The following DHRSX variants were observed in gnomAD, a reference collection of about 807,000 sequenced individuals.
DHRSX encodes the protein dehydrogenase/reductase X-linked.
Under a neutral mutation model 34.0 loss-of-function variants are expected in DHRSX, and 31 were observed. The ratio of observed to expected loss-of-function variants is 0.91; its 90% confidence interval spans 0.69 to 1.23. The LOEUF (loss-of-function observed/expected upper bound fraction) is 1.23. DHRSX is among the 50% of genes most tolerant of loss of function. The pLI is 0.00. For missense variants in DHRSX, 414 were observed against 428.1 expected (o/e 0.97, Z 0.29); for synonymous variants, 201 against 183.8 (o/e 1.09, Z -0.76).
At chrX:2,243,361 T>C (rs1716566893) in intron 5 of DHRSX, 131 bp from the exon 6 acceptor site, 3 of 711,822 alleles carry the variant, frequency 4.2e-6, no homozygotes, top group Non-Finnish European at 7.0e-6. Context: ...CCATGTGTGA[T>C]CATGCCATCT....
At chrX:2,254,946 G>GC (rs1019729155) in intron 5 of DHRSX, among the ~76,000 whole-genome samples, 2,947 of 104,622 alleles carry the variant, frequency 0.028, 71 homozygotes, top group South Asian at 0.067. Context: ...CCTGCCCCAC[G>GC]CCCCCCCCCT....
chrX:2,241,674 C>T (rs1376457041), intron 6 of DHRSX, among the ~76,000 whole-genome samples: 2 of 152,042 alleles, frequency 1.3e-5, no homozygotes, highest in Non-Finnish European at 2.9e-5. Flanking sequence ...TTTGGGAGCC[C>T]GAGGCGGGTG....
At chrX:2,335,128 T>C (rs1426528401) in intron 3 of DHRSX, among the ~76,000 whole-genome samples, 1 of 147,158 alleles carries the variant, frequency 6.8e-6, no homozygotes, top group East Asian at 2.0e-4. Context: ...GAGGTTGCAG[T>C]GAGCCGAGAT....
rs138715563 is a variant in DHRSX at position 2,437,915 on chromosome X, C to T, written c.110-12611G>A. On this transcript the variant is annotated intron_variant, in intron 1 of 6. Transcript: ENST00000334651. Reference sequence around the variant, plus strand: ...CAGAGTCCAATTCATGAAAACTCACCGGCAGAACAATATGTGGCAACCATT... The same window carrying T: ...CAGAGTCCAATTCATGAAAACTCACTGGCAGAACAATATGTGGCAACCATT... Among the ~76,000 whole-genome samples, 4 of 151,890 alleles carry T rather than the reference C, an allele frequency of 2.6e-5. No homozygotes were observed. The East Asian group carries it at 5.8e-4, about 22-fold the overall frequency.
At chrX:2,297,169 C>T (rs975320282) in intron 3 of DHRSX, among the ~76,000 whole-genome samples, 2 of 152,242 alleles carry the variant, frequency 1.3e-5, no homozygotes, top group Non-Finnish European at 2.9e-5. Context: ...GTCACCCAGG[C>T]TGGAGTGCAA....
At chrX:2,223,747 C>G (rs1279266690) in intron 6 of DHRSX, among the ~76,000 whole-genome samples, 1 of 151,950 alleles carries the variant, frequency 6.6e-6, no homozygotes, top group Non-Finnish European at 1.5e-5. Context: ...CTCTCTTTTG[C>G]GGCTGTGTTC....
rs181901056 is a variant in DHRSX, at chrX:2,320,589, C to T, written c.287-28986G>A. ...GGGATTGCAGGCATGAGCCACCGTG[C>T]CTGGCCCTGCAAGTCTGTTTTGATT... is the stretch of plus-strand genomic sequence containing the variant. On this transcript the variant is annotated intron_variant, in intron 3 of 6. Transcript: ENST00000334651. 7.2e-3 allele frequency among the ~76,000 whole-genome samples: 1,035 copies of T among 144,048 alleles called. 16 individuals are homozygous for T. Among genetic ancestry groups the T allele is most frequent in the African/African-American group, 0.025 (959 of 37,778 alleles). The allele number at this position is 144,048 out of a possible 152,430, so 94.5% of individuals were successfully genotyped here. A position where few individuals can be genotyped will look rare whatever the true frequency, so the allele number is the denominator to read the frequency against.
intron 1 of DHRSX, chrX:2,489,256 G>C: frequency 6.2e-7 from 1 of 1,613,954 alleles, no homozygotes; most frequent in Non-Finnish European, 8.5e-7. Context: ...GCTGCCGCTC[G>C]AAGGCGGAGA....
At chrX:2,231,894 CCTCTTT>C (rs997404546) in intron 6 of DHRSX, among the ~76,000 whole-genome samples, 3 of 149,976 alleles carry the variant, frequency 2.0e-5, no homozygotes, top group Non-Finnish European at 3.0e-5. Context: ...TCCTCCTCCT[CCTCTTT>C]CTCTTATCTT....
chrX:2,352,614 G>A (rs1432908604), intron 3 of DHRSX, among the ~76,000 whole-genome samples: 1 of 152,180 alleles, frequency 6.6e-6, no homozygotes, highest in African/African-American at 2.4e-5. Context: ...AGTGTCTGCA[G>A]GCGTAGCTGC....
At position 2,231,959 on chromosome X, in the gene DHRSX, C is replaced by T. The variant is rs576413554; in HGVS notation, c.805-10730G>A. Among the ~76,000 whole-genome samples the T allele has an allele frequency of 6.8e-5, 3 of 43,888 alleles. No individual in the cohort carries two copies. The East Asian group carries it at 6.5e-3, about 95-fold the overall frequency. 28.8% of individuals were successfully genotyped at this position (43,888 alleles called of 152,430 possible). The stretch of plus-strand genomic sequence containing the variant: ...TCCTCTTCTCTCCTCCTTCTCTTTT[C>T]TTTCTGCCCTTCTTTCCTTTTCTCT... On this transcript the variant is annotated intron_variant, in intron 6 of 6. Coordinates refer to ENST00000334651, the MANE Select transcript of DHRSX (RefSeq NM_145177.3).
At chrX:2,300,916 T>G (rs894902986) in intron 3 of DHRSX, among the ~76,000 whole-genome samples, 2 of 152,170 alleles carry the variant, frequency 1.3e-5, no homozygotes, top group Non-Finnish European at 2.9e-5. Flanking sequence ...TTAATTTTAT[T>G]AAGTATGCAA....
chrX:2,340,710 G>A (rs763909111), intron 3 of DHRSX, among the ~76,000 whole-genome samples: 2 of 152,236 alleles, frequency 1.3e-5, no homozygotes, highest in East Asian at 1.9e-4. Flanking sequence ...TTGGACTTTT[G>A]TCATTCAAGG....
At chrX:2,282,410 AAGGGGG>A (rs2124479022) in intron 4 of DHRSX, among the ~76,000 whole-genome samples, 1 of 142,358 alleles carries the variant, frequency 7.0e-6, no homozygotes, top group East Asian at 2.3e-4. Flanking sequence ...GAAAGAGAGA[AAGGGGG>A]AGAGAAGGAA....
chrX:2,349,944 C>T (rs1207963138), intron 3 of DHRSX, among the ~76,000 whole-genome samples: 3 of 151,508 alleles, frequency 2.0e-5, no homozygotes, highest in Non-Finnish European at 2.9e-5. Context: ...GAGGCTGAAG[C>T]AGGAGAATGG....
rs1162323678 is a variant in DHRSX, at chrX:2,298,985, C to CAA, written c.287-7384_287-7383dup. On this transcript the variant is annotated intron_variant, in intron 3 of 6. Transcript: ENST00000334651. Reference sequence around the variant, plus strand: ...GGGCAACAAGAGTGAAACTCTGTCTCAAAAAAAAAAAAAAAAAAAAAAAAA... The same window carrying CAA: ...GGGCAACAAGAGTGAAACTCTGTCTCAAAAAAAAAAAAAAAAAAAAAAAAAAA... Among the ~76,000 whole-genome samples, 453 of 88,330 alleles carry CAA rather than the reference C, an allele frequency of 5.1e-3. 5 individuals are homozygous for CAA. The highest frequency in any genetic ancestry group is 6.9e-3 in the Admixed American group (54 of 7,820). 57.9% of individuals were successfully genotyped at this position (88,330 alleles called of 152,430 possible).
chrX:2,357,345 T>C (rs770112798), intron 3 of DHRSX, among the ~76,000 whole-genome samples: 1 of 152,138 alleles, frequency 6.6e-6, no homozygotes, highest in South Asian at 2.1e-4. Context: ...TGGAAAGGTT[T>C]CGTGCAAAGA....
chrX:2,234,814 G>A (rs1348453304), intron 6 of DHRSX, among the ~76,000 whole-genome samples: 1 of 152,160 alleles, frequency 6.6e-6, no homozygotes. Context: ...ATGTTCAAGC[G>A]ATTCTCCTGC....
At chrX:2,231,883 T>TTCC (rs1039028339) in intron 6 of DHRSX, among the ~76,000 whole-genome samples, 3 of 148,956 alleles carry the variant, frequency 2.0e-5, no homozygotes, top group Non-Finnish European at 4.5e-5. Flanking sequence ...CTCCAACTTC[T>TTCC]TCCTCCTCCT....
Sources: gnomAD v4.1 joint callset for allele counts (sites outside exome capture counted in the v4.1 genomes callset) on GRCh38, gnomAD v4.1.1 for gene constraint, MANE v1.5 for transcripts, NCBI Gene and HGNC (gene_info 2026-07-23, HGNC 2026-07-21) for gene names.